KIAA1328: variants seen among roughly 807,000 people sequenced by gnomAD.
KIAA1328 encodes protein hinderin.
A neutral mutation model predicts 68.1 loss-of-function variants in KIAA1328; 52 were observed. The ratio of observed to expected loss-of-function variants is 0.76; its 90% CI spans 0.61 to 0.96. The LOEUF is 0.96. Among genes scored for constraint, KIAA1328 ranks in the 40% least tolerant of loss-of-function variants. The probability of loss-of-function intolerance (pLI) is 0.00; values close to 1 mark genes in which losing one functional copy is unlikely to be tolerated. For missense variants in KIAA1328, 641 were observed against 677.6 expected (o/e 0.95, Z 0.60); for synonymous variants, 232 against 239.4 (o/e 0.97, Z 0.28).
chr18:37,075,785 A>G (rs934053439), intron 7 of KIAA1328: 66 of 152,364 alleles, frequency 4.3e-4, no homozygotes, highest in African/African-American at 1.5e-3. Context: ...AGAGCTAACT[A>G]TCCTAAATAT....
At position 36,835,181 on chromosome 18, in the gene KIAA1328, G is replaced by T. The variant is rs1411658523; in HGVS notation, c.95-53G>T. The T allele has an allele frequency of 3.8e-5, 58 of 1,516,028 alleles. 1 individual carries two copies. In the East Asian group the frequency reaches 1.2e-3, roughly 31 times the overall value. 93.9% of individuals were successfully genotyped at this position (1,516,028 alleles called of 1,614,324 possible). ...TCCAAGGAAGGAGTTGATGGGGGAG[G>T]GTTTAAGATAATAAGGTATAATTTT... On this transcript the variant is annotated intron_variant, in intron 2 of 9. Coordinates refer to ENST00000280020, the MANE Select transcript of KIAA1328 (RefSeq NM_020776.3).
At chr18:36,896,248 T>C (rs1040377244) in intron 5 of KIAA1328, among the ~76,000 whole-genome samples, 1 of 152,206 alleles carries the variant, frequency 6.6e-6, no homozygotes, top group Non-Finnish European at 1.5e-5. Flanking sequence ...TTTTTAAATA[T>C]CATTTTGTAT....
chr18:37,149,485 T>C (rs1413771176), intron 7 of KIAA1328, among the ~76,000 whole-genome samples: 1 of 152,152 alleles, frequency 6.6e-6, no homozygotes, highest in African/African-American at 2.4e-5. Flanking sequence ...ATTCAGGACA[T>C]AGGCACAGGC....
intron 6 of KIAA1328, among the ~76,000 whole-genome samples, chr18:37,033,030 T>G (rs1313323809): frequency 6.6e-6 from 1 of 152,238 alleles, no homozygotes; most frequent in African/African-American, 2.4e-5. Context: ...ACTCTTATGA[T>G]CTTTCTTCAC....
At chr18:37,021,805 G>A (rs924864004) in intron 6 of KIAA1328, among the ~76,000 whole-genome samples, 16 of 151,894 alleles carry the variant, frequency 1.1e-4, no homozygotes, top group East Asian at 1.9e-4. Context: ...TTGGGAGGCC[G>A]GGGCAGATGG....
rs1357287507 is a variant in KIAA1328, at chr18:37,096,666, C to T, written c.1232+29121C>T. 5.3e-5 allele frequency among the ~76,000 whole-genome samples: 8 copies of T among 152,154 alleles called. No individual in the cohort carries two copies. The South Asian group carries it at 8.3e-4, about 16-fold the overall frequency. On this transcript the variant is annotated intron_variant, in intron 7 of 9. Coordinates refer to ENST00000280020, the MANE Select transcript of KIAA1328 (RefSeq NM_020776.3). ...GGGAATTGCCTGACTTCCACAATGG[C>T]TGAACTAGTTTACAGTCCCACCAAC...
chr18:36,891,370 A>G (rs1412973715), intron 5 of KIAA1328, among the ~76,000 whole-genome samples: 2 of 152,312 alleles, frequency 1.3e-5, no homozygotes, highest in East Asian at 1.9e-4. Context: ...AGTTATTTTA[A>G]TAACTGATTT....
At chr18:37,130,224 G>A (rs2058489681) in intron 7 of KIAA1328, among the ~76,000 whole-genome samples, 1 of 152,088 alleles carries the variant, frequency 6.6e-6, no homozygotes, top group African/African-American at 2.4e-5. Context: ...TTGAGCATAG[G>A]GCAGGAAAGT....
At chr18:37,050,247 G>GA (rs113984998) in intron 6 of KIAA1328, among the ~76,000 whole-genome samples, 6,560 of 151,998 alleles carry the variant, frequency 0.043, 495 homozygotes, top group African/African-American at 0.15. Context: ...AAAGGAAAAA[G>GA]AAAAAAGGTC....
chr18:36,884,761 C>G (rs2048442163), intron 4 of KIAA1328, among the ~76,000 whole-genome samples: 1 of 152,202 alleles, frequency 6.6e-6, no homozygotes, highest in African/African-American at 2.4e-5. Flanking sequence ...GTTAATGTCT[C>G]TGCACACAGA....
intron 5 of KIAA1328, among the ~76,000 whole-genome samples, chr18:36,938,778 G>T (rs1023789152): frequency 6.6e-6 from 1 of 152,100 alleles, no homozygotes; most frequent in African/African-American, 2.4e-5. Flanking sequence ...GAGATAGTGG[G>T]TCTAGTGTCA....
At chr18:37,197,162 C>G (rs1454203407) in intron 9 of KIAA1328, among the ~76,000 whole-genome samples, 5 of 151,942 alleles carry the variant, frequency 3.3e-5, no homozygotes, top group Non-Finnish European at 5.9e-5. Flanking sequence ...TGCTGGGATG[C>G]AAAATGTTTC....
intron 5 of KIAA1328, among the ~76,000 whole-genome samples, chr18:36,942,535 TATC>T (rs1281831565): frequency 5.9e-5 from 9 of 152,204 alleles, no homozygotes; most frequent in Admixed American, 5.9e-4. Context: ...TATGGTAAAT[TATC>T]ATTTTATAGT....
chr18:37,128,749 A>G (rs562256463), intron 7 of KIAA1328, among the ~76,000 whole-genome samples: 1 of 152,336 alleles, frequency 6.6e-6, no homozygotes, highest in Middle Eastern at 3.4e-3. Flanking sequence ...GAAACAAGCC[A>G]AATGTCCATC....
At chr18:37,034,536 C>G (rs947507485) in intron 6 of KIAA1328, among the ~76,000 whole-genome samples, 5 of 152,132 alleles carry the variant, frequency 3.3e-5, no homozygotes, top group African/African-American at 1.2e-4. Flanking sequence ...TTGGGCAAGT[C>G]TTTTAGCTTT....
chr18:37,008,369 C>G (rs770257915), intron 6 of KIAA1328, among the ~76,000 whole-genome samples: 7 of 152,192 alleles, frequency 4.6e-5, no homozygotes, highest in Non-Finnish European at 1.0e-4. Flanking sequence ...AGAAAGAACT[C>G]GTGGTGTAAA....
intron 6 of KIAA1328, among the ~76,000 whole-genome samples, chr18:37,009,695 T>A (rs1282478761): frequency 2.6e-5 from 4 of 152,208 alleles, no homozygotes; most frequent in African/African-American, 7.2e-5. Context: ...TTTTGTGGAA[T>A]GTTGTTCTAA....
intron 9 of KIAA1328, among the ~76,000 whole-genome samples, chr18:37,186,129 A>G (rs1185618632): frequency 9.1e-6 from 1 of 110,078 alleles, no homozygotes; most frequent in African/African-American, 3.8e-5. Flanking sequence ...TGAGGCAGGT[A>G]CTCCCTGTGT....
At chr18:37,076,449 C>G (rs1301553417) in intron 7 of KIAA1328, among the ~76,000 whole-genome samples, 2 of 151,668 alleles carry the variant, frequency 1.3e-5, no homozygotes, top group African/African-American at 2.4e-5. Flanking sequence ...CAAACACATT[C>G]AAAAGCTAGC....
Sources: gnomAD v4.1 joint callset for allele counts (sites outside exome capture counted in the v4.1 genomes callset) on GRCh38, gnomAD v4.1.1 for gene constraint, MANE v1.5 for transcripts, NCBI Gene and HGNC (gene_info 2026-07-23, HGNC 2026-07-21) for gene names.